The following KLF12 variants were observed in gnomAD, a reference collection of about 807,000 sequenced individuals.
KLF12 encodes the protein Krueppel-like factor 12.
Under a neutral mutation model 37.8 loss-of-function variants are expected in KLF12, and 9 were observed. The observed-to-expected ratio is 0.24, with a 90% confidence interval of 0.14 to 0.42. The LOEUF (loss-of-function observed/expected upper bound fraction) is 0.42, where lower values mean the gene tolerates loss of function less well. Ranked by LOEUF, KLF12 falls within the 10% of genes least tolerant of loss-of-function variation. The pLI, the probability that KLF12 is intolerant of heterozygous loss-of-function variation, is 1.00. For synonymous variants in KLF12, 208 were observed against 202.1 expected (o/e 1.03, Z -0.25); for missense variants, 411 against 516.0 (o/e 0.80, Z 1.97).
rs1040677505 is a variant in KLF12, at chr13:74,120,182, CAAG to C, written c.-32+13554_-32+13556del. ...ATGTCATTCCCAGCAGATTGCACTGCAAGAAATTATTTAAGTAGGCCAGGCACA... is the reference window on the plus strand; with the variant it reads ...ATGTCATTCCCAGCAGATTGCACTGCAAATTATTTAAGTAGGCCAGGCACA... On this transcript the variant is annotated intron_variant, in intron 1 of 7. Coordinates refer to ENST00000377669, the MANE Select transcript of KLF12 (RefSeq NM_007249.5). Among the ~76,000 whole-genome samples, 216 of 152,230 alleles carry C rather than the reference CAAG, an allele frequency of 1.4e-3. 1 individual carries two copies. Among genetic ancestry groups the C allele is most frequent in the African/African-American group, 4.4e-3 (181 of 41,552 alleles).
At chr13:74,097,697 CAT>C (rs58038474) in intron 1 of KLF12, among the ~76,000 whole-genome samples, 6 of 150,152 alleles carry the variant, frequency 4.0e-5, no homozygotes, top group South Asian at 2.1e-4. Context: ...ATTTTATATA[CAT>C]ATATATATAT....
At chr13:74,170,710 G>C in the KLF12 span, among the ~76,000 whole-genome samples, 1 of 152,174 alleles carries the variant, frequency 6.6e-6, no homozygotes, top group Non-Finnish European at 1.5e-5. Flanking sequence ...GTTTGAAAAA[G>C]GGTGGTATGA....
At chr13:73,772,220 A>C (rs1880315941) in intron 5 of KLF12, among the ~76,000 whole-genome samples, 1 of 152,200 alleles carries the variant, frequency 6.6e-6, no homozygotes. Context: ...ATATTAGTTG[A>C]ATCTCTACTG....
intron 7 of KLF12, among the ~76,000 whole-genome samples, chr13:73,708,032 G>A (rs1318904651): frequency 6.6e-6 from 1 of 152,134 alleles, no homozygotes; most frequent in African/African-American, 2.4e-5. Flanking sequence ...ATTAATTACA[G>A]AGACTTCATT....
Position 73,858,084 on chromosome 13 carries a change from C to G in KLF12, c.124-11711G>C, listed in dbSNP as rs1594177760. 2.6e-5 allele frequency among the ~76,000 whole-genome samples: 4 copies of G among 152,210 alleles called. No homozygotes were observed. In the South Asian group the frequency reaches 8.3e-4, roughly 32 times the overall value. On this transcript the variant is annotated intron_variant, in intron 3 of 7. Transcript: ENST00000377669. Reference sequence around the variant, plus strand: ...TGAATTTGTGGGTGAACTACATTTTCTTTTTTATCTTTTTTCCTATATTTT... The same window carrying G: ...TGAATTTGTGGGTGAACTACATTTTGTTTTTTATCTTTTTTCCTATATTTT...
chr13:74,179,457 C>T, the KLF12 span, among the ~76,000 whole-genome samples: 2 of 152,136 alleles, frequency 1.3e-5, no homozygotes, highest in African/African-American at 4.8e-5. Flanking sequence ...TCTTGCCATC[C>T]ACCTTTTAGT....
chr13:74,053,199 A>G (rs1407852364), intron 1 of KLF12, among the ~76,000 whole-genome samples: 3 of 152,234 alleles, frequency 2.0e-5, no homozygotes, highest in African/African-American at 4.8e-5. Context: ...AAGCAATTCT[A>G]CTGAATACAG....
intron 3 of KLF12, among the ~76,000 whole-genome samples, chr13:73,935,831 T>C (rs1256854388): frequency 1.3e-5 from 2 of 152,142 alleles, no homozygotes; most frequent in Non-Finnish European, 2.9e-5. Flanking sequence ...TTTCACCACA[T>C]TGTCCAGGTT....
the KLF12 span, among the ~76,000 whole-genome samples, chr13:74,239,146 G>C: frequency 1.4e-5 from 2 of 145,022 alleles, no homozygotes. Flanking sequence ...TTGTGTCTTT[G>C]TTCTCGTTGG....
chr13:73,698,969 G>A (rs994154572), intron 7 of KLF12, among the ~76,000 whole-genome samples: 6 of 152,086 alleles, frequency 3.9e-5, no homozygotes, highest in African/African-American at 1.2e-4. Context: ...TAGGATCCTC[G>A]ATTCAAATTC....
chr13:74,034,123 C>T lies in KLF12; in HGVS notation c.-31-39070G>A, dbSNP rs532781591. Among the ~76,000 whole-genome samples, 16 of 152,244 alleles carry T rather than the reference C, an allele frequency of 1.1e-4. No individual in the cohort carries two copies. In the East Asian group the frequency reaches 2.1e-3, roughly 20 times the overall value. ...TGTCACCCAGGCTTTAGTGCAATGA[C>T]GGGATCTCAGCTCACTGCAACCTCT... On this transcript the variant is annotated intron_variant, in intron 1 of 7. Transcript: ENST00000377669.
chr13:74,089,133 C>T (rs1875496045), intron 1 of KLF12, among the ~76,000 whole-genome samples: 1 of 152,110 alleles, frequency 6.6e-6, no homozygotes, highest in Non-Finnish European at 1.5e-5. Flanking sequence ...TTTATTAACA[C>T]TATATGATAT....
At chr13:73,808,170 GT>G (rs1424791964) in intron 5 of KLF12, among the ~76,000 whole-genome samples, 1 of 151,882 alleles carries the variant, frequency 6.6e-6, no homozygotes, top group Non-Finnish European at 1.5e-5. Flanking sequence ...TAATGACCCT[GT>G]TTTATCATCA....
chr13:74,228,495 G>A, the KLF12 span, among the ~76,000 whole-genome samples: 1 of 152,084 alleles, frequency 6.6e-6, no homozygotes, highest in East Asian at 1.9e-4. Context: ...TAGACCAGTT[G>A]CATCACTTTG....
At chr13:74,288,474 A>G in the KLF12 span, among the ~76,000 whole-genome samples, 2 of 152,204 alleles carry the variant, frequency 1.3e-5, no homozygotes, top group African/African-American at 4.8e-5. Context: ...CAGCACAGGA[A>G]CAATGCGGCA....
chr13:74,136,123 AGAAATGTCT>A (rs2139052035), upstream of KLF12, among the ~76,000 whole-genome samples: 1 of 152,282 alleles, frequency 6.6e-6, no homozygotes, highest in African/African-American at 2.4e-5. Flanking sequence ...TCGAAGAGGA[AGAAATGTCT>A]GAAATTTGTG....
the KLF12 span, among the ~76,000 whole-genome samples, chr13:74,281,855 G>A: frequency 0.023 from 3,507 of 152,262 alleles, 50 homozygotes; most frequent in Admixed American, 0.037. Flanking sequence ...TTTTCTTCAG[G>A]TAGATGTAAA....
intron 4 of KLF12, among the ~76,000 whole-genome samples, chr13:73,833,648 A>C (rs1884279424): frequency 1.3e-5 from 2 of 152,170 alleles, no homozygotes; most frequent in African/African-American, 4.8e-5. Flanking sequence ...GTTTCAGAAA[A>C]GAAGGCATTT....
chr13:74,300,399 T>C, the KLF12 span, among the ~76,000 whole-genome samples: 2 of 152,182 alleles, frequency 1.3e-5, no homozygotes, highest in African/African-American at 2.4e-5. Context: ...TTGTTAAAGA[T>C]GACCTCTAAG....
Sources: gnomAD v4.1 joint callset for allele counts (sites outside exome capture counted in the v4.1 genomes callset) on GRCh38, gnomAD v4.1.1 for gene constraint, MANE v1.5 for transcripts, NCBI Gene and HGNC (gene_info 2026-07-23, HGNC 2026-07-21) for gene names.